The following VWC2L variants were observed in gnomAD, a reference collection of about 807,000 sequenced individuals.
VWC2L encodes the protein von Willebrand factor C domain-containing protein 2-like.
VWC2L carries 10 observed loss-of-function variants against 21.6 expected under a neutral mutation model. The ratio of observed to expected loss-of-function variants is 0.46; its 90% CI spans 0.29 to 0.78. The LOEUF (loss-of-function observed/expected upper bound fraction) is 0.78. Among genes scored for constraint, VWC2L ranks in the 30% least tolerant of loss-of-function variants. The probability of loss-of-function intolerance (pLI) is 0.10; values close to 1 mark genes in which losing one functional copy is unlikely to be tolerated. For missense variants in VWC2L, 209 were observed against 277.1 expected (o/e 0.75, Z 1.74); for synonymous variants, 96 against 94.3 (o/e 1.02, Z -0.10).
At chr2:214,437,546 G>A (rs1338765725) in intron 3 of VWC2L, among the ~76,000 whole-genome samples, 2 of 152,120 alleles carry the variant, frequency 1.3e-5, no homozygotes, top group African/African-American at 4.8e-5. Context: ...TCTTTACTAG[G>A]CCACATTCCA....
At chr2:214,451,834 G>A (rs114919225) in intron 3 of VWC2L, among the ~76,000 whole-genome samples, 2,445 of 151,990 alleles carry the variant, frequency 0.016, 61 homozygotes, top group African/African-American at 0.055. Flanking sequence ...ATTTTATGTC[G>A]TGATTTTATT....
chr2:214,485,653 C>T (rs1448182622), intron 3 of VWC2L, among the ~76,000 whole-genome samples: 2 of 152,146 alleles, frequency 1.3e-5, no homozygotes, highest in Non-Finnish European at 2.9e-5. Flanking sequence ...GCCTCACTCC[C>T]CTAGGAAATA....
At chr2:214,509,256 T>C (rs1398632846) in intron 3 of VWC2L, among the ~76,000 whole-genome samples, 1 of 152,248 alleles carries the variant, frequency 6.6e-6, no homozygotes, top group Non-Finnish European at 1.5e-5. Flanking sequence ...TGTACATTCA[T>C]GTTTAAACAT....
chr2:214,448,308 T>C (rs1475104985), intron 3 of VWC2L, among the ~76,000 whole-genome samples: 2 of 152,240 alleles, frequency 1.3e-5, no homozygotes, highest in African/African-American at 2.4e-5. Context: ...ATCTTCAATA[T>C]AGCTGTAATT....
At chr2:214,468,051 T>C (rs1703245085) in intron 3 of VWC2L, among the ~76,000 whole-genome samples, 1 of 151,958 alleles carries the variant, frequency 6.6e-6, no homozygotes. Flanking sequence ...AGAGTCTCAC[T>C]CTGTTGCCAG....
At chr2:214,444,457 G>T (rs1259243335) in intron 3 of VWC2L, among the ~76,000 whole-genome samples, 2 of 151,708 alleles carry the variant, frequency 1.3e-5, no homozygotes. Context: ...AACAAACCAG[G>T]TTTCTAAATG....
chr2:214,432,839 T>C (rs1197418718), intron 2 of VWC2L, among the ~76,000 whole-genome samples: 1 of 152,040 alleles, frequency 6.6e-6, no homozygotes, highest in Non-Finnish European at 1.5e-5. Flanking sequence ...CTGGCCAACA[T>C]GGTAAGACCC....
chr2:214,517,498 G>T (rs1484229105), intron 3 of VWC2L, among the ~76,000 whole-genome samples: 1 of 152,138 alleles, frequency 6.6e-6, no homozygotes, highest in African/African-American at 2.4e-5. Context: ...CTAGGCATGA[G>T]ATCCAGGTGT....
chr2:214,548,877 G>A (rs767411247), intron 3 of VWC2L, among the ~76,000 whole-genome samples: 1 of 152,038 alleles, frequency 6.6e-6, no homozygotes, highest in Non-Finnish European at 1.5e-5. Context: ...TGATTCAAGG[G>A]GTAGTTTTTA....
intron 3 of VWC2L, among the ~76,000 whole-genome samples, chr2:214,573,793 T>A (rs1690187566): frequency 6.6e-6 from 1 of 152,204 alleles, no homozygotes; most frequent in South Asian, 2.1e-4. Context: ...ATGGAATTAA[T>A]ATTGTAGCCC....
chr2:214,478,223 AAAT>A (rs1688552694), intron 3 of VWC2L, among the ~76,000 whole-genome samples: 1 of 152,166 alleles, frequency 6.6e-6, no homozygotes, highest in African/African-American at 2.4e-5. Flanking sequence ...TTATTTTAAA[AAAT>A]AATATCTGTT....
chr2:214,495,011 T>C (rs1688793018), intron 3 of VWC2L, among the ~76,000 whole-genome samples: 1 of 152,214 alleles, frequency 6.6e-6, no homozygotes. Flanking sequence ...TAGTCTTTAG[T>C]TGTGCTTTCG....
intron 2 of VWC2L, among the ~76,000 whole-genome samples, chr2:214,427,160 C>T (rs968503117): frequency 1.3e-5 from 2 of 152,170 alleles, no homozygotes; most frequent in South Asian, 2.1e-4. Flanking sequence ...CTCTCTAATA[C>T]TTCACTTATT....
intron 3 of VWC2L, among the ~76,000 whole-genome samples, chr2:214,442,930 A>G (rs551018620): frequency 4.6e-5 from 7 of 152,308 alleles, no homozygotes; most frequent in African/African-American, 1.7e-4. Flanking sequence ...ATTGTATAAC[A>G]TATTACTAGT....
At chr2:214,413,706 A>G (rs144217062) in intron 1 of VWC2L, among the ~76,000 whole-genome samples, 1 of 152,308 alleles carries the variant, frequency 6.6e-6, no homozygotes, top group Admixed American at 6.5e-5. Context: ...TGACACAGAT[A>G]ATTATAACAT....
At chr2:214,481,145 T>C (rs1046201650) in intron 3 of VWC2L, among the ~76,000 whole-genome samples, 1 of 152,184 alleles carries the variant, frequency 6.6e-6, no homozygotes, top group African/African-American at 2.4e-5. Context: ...CCCTTTTCAA[T>C]GTGACTCTGC....
In VWC2L at chr2:214,567,591, CACACAG is replaced by C. The variant is rs1459549705; in HGVS notation, c.521-8079_521-8074del. 3.4e-3 allele frequency among the ~76,000 whole-genome samples: 459 copies of C among 133,624 alleles called. 2 individuals are homozygous for C. Among genetic ancestry groups the C allele is most frequent in the African/African-American group, 0.01 (332 of 32,760 alleles). The allele number at this position is 133,624 out of a possible 152,430, so 87.7% of individuals were successfully genotyped here. On this transcript the variant is annotated intron_variant, in intron 3 of 3. Coordinates refer to ENST00000312504, the MANE Select transcript of VWC2L (RefSeq NM_001080500.4). Reference sequence around the variant, plus strand: ...ACACACACACACACACACACACACACACACAGAGAGAGAGAGAGAGAGAGATAATTA... The same window carrying C: ...ACACACACACACACACACACACACACAGAGAGAGAGAGAGAGAGATAATTA...
intron 3 of VWC2L, among the ~76,000 whole-genome samples, chr2:214,552,496 T>C (rs758979205): frequency 2.0e-5 from 3 of 152,206 alleles, no homozygotes; most frequent in Non-Finnish European, 4.4e-5. Flanking sequence ...ATAAACTCAA[T>C]GGATGCTTCC....
intron 3 of VWC2L, among the ~76,000 whole-genome samples, chr2:214,535,539 A>G (rs1215295664): frequency 6.6e-6 from 1 of 152,070 alleles, no homozygotes; most frequent in Admixed American, 6.6e-5. Context: ...TTCAAACAGA[A>G]TTAGCAGCCA....
Sources: allele counts gnomAD v4.1 joint callset (sites outside exome capture counted in the v4.1 genomes callset), GRCh38; gene constraint gnomAD v4.1.1; transcripts MANE v1.5; gene names NCBI Gene and HGNC (gene_info 2026-07-23, HGNC 2026-07-21).